The following USP40 variants were observed in gnomAD, a reference collection of about 807,000 sequenced individuals.
USP40 encodes ubiquitin specific peptidase 40.
In USP40, 143 loss-of-function variants were observed where a neutral mutation model predicts 166.2. The observed-to-expected ratio is 0.86, with a 90% CI of 0.75 to 0.99. USP40 has a LOEUF of 0.99. Among genes scored for constraint, USP40 ranks in the 50% least tolerant of loss-of-function variants. USP40 has a pLI of 0.00. For synonymous variants in USP40, 498 were observed against 524.0 expected (o/e 0.95, Z 0.68); for missense variants, 1,444 against 1,479.7 (o/e 0.98, Z 0.40).
At chr2:233,557,055 C>T in intron 4 of USP40, 36 bp from the exon 5 acceptor site, 1 of 1,561,958 alleles carries the variant, frequency 6.4e-7, no homozygotes, top group South Asian at 1.2e-5. Context: ...TAATTCCGGG[C>T]TTCAGATTTT....
intron 10 of USP40, among the ~76,000 whole-genome samples, chr2:233,538,798 CTT>C (rs1208642449): frequency 2.0e-5 from 3 of 152,166 alleles, no homozygotes; most frequent in African/African-American, 4.8e-5. Context: ...GGGAGGATCT[CTT>C]GAGCCCAGAA....
chr2:233,542,642 C>T (rs2069528867), intron 8 of USP40: 1 of 280,508 alleles, frequency 3.6e-6, no homozygotes, highest in African/African-American at 2.2e-5. Flanking sequence ...TGCGCCACTG[C>T]ACTCCAGCAT....
chr2:233,504,883 C>CACGATAAGAA (rs2066314136), intron 21 of USP40, among the ~76,000 whole-genome samples: 1 of 151,906 alleles, frequency 6.6e-6, no homozygotes, highest in African/African-American at 2.4e-5. Context: ...TAGAACAGTC[C>CACGATAAGAA]ATCAACAACT....
At position 233,554,537 on chromosome 2, in the gene USP40, C is replaced by T. The variant is rs2070875883; in HGVS notation, c.547-11G>A. On this transcript the variant is annotated splice_polypyrimidine_tract_variant and intron_variant, in intron 5 of 31. Coordinates refer to ENST00000678225, the MANE Select transcript of USP40 (RefSeq NM_001365479.2). ...ATCTAAGAAGTCTTCCTGAAATAGA[C>T]ATGAATATAATATTGAAAAACAATT... 1 of 1,594,692 alleles carries T rather than the reference C, an allele frequency of 6.3e-7. No individual in the cohort carries two copies. Among genetic ancestry groups the T allele is most frequent in the Non-Finnish European group, 8.5e-7 (1 of 1,172,938 alleles).
chr2:233,538,114 A>T lies in USP40; in HGVS notation c.1170+2548T>A, dbSNP rs530820858. ...TGTAATTTATCATGTTAATTTATAT[A>T]TAGTGTAATCGCTAGATGAAATTAA... On this transcript the variant is annotated intron_variant, in intron 10 of 31. Coordinates refer to ENST00000678225, the MANE Select transcript of USP40 (RefSeq NM_001365479.2). Among the ~76,000 whole-genome samples, 28 of 152,268 alleles carry T rather than the reference A, an allele frequency of 1.8e-4. No individual in the cohort carries two copies. The South Asian group carries it at 5.6e-3, about 30-fold the overall frequency.
chr2:233,497,482 G>A (rs1023395695), intron 23 of USP40, among the ~76,000 whole-genome samples: 5 of 152,174 alleles, frequency 3.3e-5, no homozygotes, highest in Non-Finnish European at 5.9e-5. Context: ...GAATGGTCAG[G>A]GAAGGGGTGG....
At chr2:233,528,144 A>C (rs1488202060) in intron 12 of USP40, among the ~76,000 whole-genome samples, 2 of 151,910 alleles carry the variant, frequency 1.3e-5, no homozygotes, top group African/African-American at 4.8e-5. Context: ...ATGCCTGGCT[A>C]ATTTTTGTAT....
intron 23 of USP40, 29 bp downstream of exon 23, chr2:233,498,519 G>A (rs534890996): frequency 1.9e-5 from 30 of 1,590,562 alleles, no homozygotes; most frequent in South Asian, 9.1e-5. Flanking sequence ...GTAATCATAC[G>A]AAAGTACAAT....
Position 233,476,625 on chromosome 2 carries a change from G to A in USP40, c.*767C>T, listed in dbSNP as rs989283057. 2.0e-5 allele frequency: 3 copies of A among 152,628 alleles called. No homozygotes were observed. The highest frequency in any genetic ancestry group is 7.2e-5 in the African/African-American group (3 of 41,476). 9.5% of individuals were successfully genotyped at this position (152,628 alleles called of 1,614,324 possible). A position where few individuals can be genotyped will look rare whatever the true frequency, so the allele number is the denominator to read the frequency against. The stretch of plus-strand genomic sequence containing the variant: ...GCTTCCACACAGGAAGAGAGGCTGA[G>A]GCGCTGTGGACGGCAGCAGCTGCAG... On this transcript the variant is annotated 3_prime_UTR_variant, in exon 32 of 32. Coordinates refer to ENST00000678225, the MANE Select transcript of USP40 (RefSeq NM_001365479.2).
At chr2:233,511,074 G>A (rs1029059148) in intron 20 of USP40, among the ~76,000 whole-genome samples, 2 of 152,096 alleles carry the variant, frequency 1.3e-5, no homozygotes, top group Admixed American at 1.3e-4. Flanking sequence ...CCTGATTTGA[G>A]TCCAGATTAC....
intron 1 of USP40, 152 bp from the exon 2 acceptor site, chr2:233,565,725 C>A (rs926712785): frequency 6.0e-6 from 4 of 668,172 alleles, no homozygotes; most frequent in Non-Finnish European, 9.9e-6. Flanking sequence ...GCAGCAAGAT[C>A]TAGATTTTTT....
chr2:233,512,653 G>GTATATTATTTTTTTT, intron 18 of USP40, 31 bp from the exon 19 acceptor site: 1 of 1,315,534 alleles, frequency 7.6e-7, no homozygotes, highest in Non-Finnish European at 1.0e-6. Flanking sequence ...ATTTTTCTTA[G>GTATATTATTTTTTTT]AGAGCTAGGA....
At position 233,498,630 on chromosome 2, in the gene USP40, T is replaced by C. The variant is rs774409506; in HGVS notation, c.2651-18A>G. The C allele has an allele frequency of 6.2e-7, 1 of 1,609,534 alleles. No individual in the cohort carries two copies. Among genetic ancestry groups the C allele is most frequent in the Non-Finnish European group, 8.5e-7 (1 of 1,178,152 alleles). ...GGCATCTCCTATAAAGGAGTCAAAATTGGGATAAAAAAAATTCAAAGTTAG... is the reference window on the plus strand; with the variant it reads ...GGCATCTCCTATAAAGGAGTCAAAACTGGGATAAAAAAAATTCAAAGTTAG... On this transcript the variant is annotated intron_variant, in intron 22 of 31. Coordinates refer to ENST00000678225, the MANE Select transcript of USP40 (RefSeq NM_001365479.2).
chr2:233,498,230 T>C (rs1244215051), intron 23 of USP40, among the ~76,000 whole-genome samples: 2 of 151,966 alleles, frequency 1.3e-5, no homozygotes, highest in Admixed American at 1.3e-4. Flanking sequence ...AACTTCAGAG[T>C]GTATCTATAA....
intron 31 of USP40, among the ~76,000 whole-genome samples, chr2:233,479,702 C>T (rs1056455463): frequency 2.6e-5 from 4 of 151,864 alleles, no homozygotes; most frequent in Non-Finnish European, 5.9e-5. Context: ...GCCAGCGCTG[C>T]AGCCCCTCTC....
intron 28 of USP40, 44 bp downstream of exon 28, chr2:233,488,195 A>G (rs778333284): frequency 6.5e-7 from 1 of 1,531,590 alleles, no homozygotes; most frequent in Non-Finnish European, 8.9e-7. Flanking sequence ...AAACGAGGTT[A>G]AGATACGTGT....
intron 31 of USP40, among the ~76,000 whole-genome samples, chr2:233,478,249 A>T (rs1366142562): frequency 6.6e-6 from 1 of 152,236 alleles, no homozygotes; most frequent in Non-Finnish European, 1.5e-5. Flanking sequence ...ATGCAGCAGG[A>T]GGTACTGTCC....
At position 233,481,227 on chromosome 2, in the gene USP40, T is replaced by C; in HGVS notation, c.3575A>G (p.Gln1192Arg). The C allele has an allele frequency of 6.2e-7, 1 of 1,608,038 alleles. No homozygotes were observed. Among genetic ancestry groups the C allele is most frequent in the Non-Finnish European group, 8.5e-7 (1 of 1,177,030 alleles). The change falls in exon 31 of 32, where the codon CAA (glutamine) becomes CGA (arginine). Residue 1192 changes from glutamine (Q) to arginine (R), a missense_variant. Gln to Arg is a conservative substitution (Grantham distance 43, BLOSUM62 1). Coordinates refer to ENST00000678225, the MANE Select transcript of USP40 (RefSeq NM_001365479.2). The stretch of plus-strand genomic sequence containing the variant: ...CCTTTTCCTTCTCCCCAGGGCCCGT[T>C]GTTTCTGCTTTTCTTTTCCAGTGTC... ...RDDTGKEKQK[Q>R]RALGRRKSQE...
intron 24 of USP40, among the ~76,000 whole-genome samples, chr2:233,496,256 T>A (rs2065744952): frequency 6.6e-6 from 1 of 152,218 alleles, no homozygotes; most frequent in Admixed American, 6.5e-5. Flanking sequence ...TTTTAGAAAG[T>A]AGTGCTATGC....
Sources: gnomAD v4.1 joint callset for allele counts (sites outside exome capture counted in the v4.1 genomes callset) on GRCh38, gnomAD v4.1.1 for gene constraint, MANE v1.5 for transcripts, NCBI Gene and HGNC (gene_info 2026-07-23, HGNC 2026-07-21) for gene names.